Variants in KCNK3 observed in about 807,000 individuals in gnomAD.
KCNK3 encodes potassium channel subfamily K member 3.
A neutral mutation model predicts 27.3 loss-of-function variants in KCNK3; 9 were observed. The ratio of observed to expected loss-of-function variants is 0.33; its 90% CI spans 0.20 to 0.57. The LOEUF is 0.57. Ranked by LOEUF, KCNK3 falls within the 20% of genes least tolerant of loss-of-function variation. The pLI, the probability that KCNK3 is intolerant of heterozygous loss-of-function variation, is 0.87. For synonymous variants in KCNK3, 278 were observed against 273.8 expected, an observed-to-expected ratio of 1.02 and a Z score of -0.15; for missense variants, 391 against 577.7, an observed-to-expected ratio of 0.68 and a Z score of 3.31.
At position 26,692,789 on chromosome 2, in the gene KCNK3, G is replaced by A. The variant is rs1051539821; in HGVS notation, c.-87G>A. 1.3e-4 allele frequency: 96 copies of A among 755,630 alleles called. No homozygotes were observed. The highest frequency in any genetic ancestry group is 3.2e-4 in the Admixed American group (5 of 15,650). 46.8% of individuals were successfully genotyped at this position (755,630 alleles called of 1,614,324 possible). On this transcript the variant is annotated 5_prime_UTR_variant, in exon 1 of 2. Transcript: ENST00000302909. This position sits in a 1 kb window ranked among gnomAD's most constrained non-coding sequence, Gnocchi z 5.6. ...GAGCGGCGAGCGCAGCCATGCCCCA[G>A]GCCGCCTCCGGGGCAGCAGCAGCGG...
At chr2:26,704,972 T>TC (rs774805056) in intron 1 of KCNK3, among the ~76,000 whole-genome samples, 1 of 151,338 alleles carries the variant, frequency 6.6e-6, no homozygotes, top group Non-Finnish European at 1.5e-5. Flanking sequence ...TTTCTTTCTT[T>TC]CTTTTTTTTT....
At chr2:26,707,685 C>T (rs1159844528) in intron 1 of KCNK3, among the ~76,000 whole-genome samples, 8 of 152,202 alleles carry the variant, frequency 5.3e-5, no homozygotes, top group Non-Finnish European at 1.2e-4. Context: ...TGATGGTCCG[C>T]ACCTGCAGAG....
intron 1 of KCNK3, among the ~76,000 whole-genome samples, chr2:26,725,296 C>G (rs1663396127): frequency 6.6e-6 from 1 of 152,190 alleles, no homozygotes; most frequent in East Asian, 1.9e-4. Flanking sequence ...CGCCCAGTCT[C>G]TCCTGTGCTC....
rs766332777 is a variant in KCNK3 at position 26,727,623 on chromosome 2, C to A, written c.284-44C>A. Reference sequence around the variant, plus strand: ...GAGAAGAAGGTTTCTGGAAGGGCAGCCCCAAAATGTGTGCTTTTTCTCCTC... The same window carrying A: ...GAGAAGAAGGTTTCTGGAAGGGCAGACCCAAAATGTGTGCTTTTTCTCCTC... On this transcript the variant is annotated intron_variant, in intron 1 of 1. Transcript: ENST00000302909. The A allele has an allele frequency of 2.6e-6, 4 of 1,511,614 alleles. No homozygotes were observed. The South Asian group carries it at 4.0e-5, about 15-fold the overall frequency. The allele number at this position is 1,511,614 out of a possible 1,614,324, so 93.6% of individuals were successfully genotyped here.
chr2:26,698,815 G>A (rs938538020), intron 1 of KCNK3, among the ~76,000 whole-genome samples: 1 of 152,274 alleles, frequency 6.6e-6, no homozygotes, highest in Admixed American at 6.5e-5. Context: ...CTAGCAAGGG[G>A]CTGGGCGTGG....
chr2:26,702,126 G>T (rs1402267691), intron 1 of KCNK3, among the ~76,000 whole-genome samples: 4 of 152,106 alleles, frequency 2.6e-5, no homozygotes, highest in Non-Finnish European at 5.9e-5. Context: ...CCACCCTCGA[G>T]TAGGCCCCAG....
At chr2:26,696,819 A>G (rs1180501380) in intron 1 of KCNK3, among the ~76,000 whole-genome samples, 1 of 152,194 alleles carries the variant, frequency 6.6e-6, no homozygotes, top group Admixed American at 6.5e-5. Context: ...AAGGAGTCAG[A>G]GAGGTGACAG....
chr2:26,716,777 C>T (rs1364979824), intron 1 of KCNK3, among the ~76,000 whole-genome samples: 3 of 152,174 alleles, frequency 2.0e-5, no homozygotes, highest in African/African-American at 7.2e-5. Context: ...GAAGAAGAGA[C>T]ATAAGGGATC....
chr2:26,717,175 T>C (rs569997812), intron 1 of KCNK3, among the ~76,000 whole-genome samples: 1 of 152,326 alleles, frequency 6.6e-6, no homozygotes, highest in Admixed American at 6.5e-5. Context: ...CCTAGTACTT[T>C]GTAATTCCTA....
At position 26,731,013 on chromosome 2, in the gene KCNK3, T is replaced by C. The variant is rs1054195430; in HGVS notation, c.*2445T>C. On this transcript the variant is annotated 3_prime_UTR_variant, in exon 2 of 2. Coordinates refer to ENST00000302909, the MANE Select transcript of KCNK3 (RefSeq NM_002246.3). Reference sequence around the variant, plus strand: ...GCCTCTCTGCTTCCCCAATGCCTTATGCCTGGGCACACTGCCACAGAATAT... The same window carrying C: ...GCCTCTCTGCTTCCCCAATGCCTTACGCCTGGGCACACTGCCACAGAATAT... 15 of 152,376 alleles carry C rather than the reference T, an allele frequency of 9.8e-5. No individual in the cohort carries two copies. Among genetic ancestry groups the C allele is most frequent in the African/African-American group, 3.1e-4 (13 of 41,448 alleles). The allele number at this position is 152,376 out of a possible 1,614,324, so 9.4% of individuals were successfully genotyped here.
rs1278617638 is a variant in KCNK3, at chr2:26,729,540, G to C, written c.*972G>C. 1 of 152,304 alleles carries C rather than the reference G, an allele frequency of 6.6e-6. No homozygotes were observed. Among genetic ancestry groups the C allele is most frequent in the Non-Finnish European group, 1.5e-5 (1 of 68,176 alleles). The allele number at this position is 152,304 out of a possible 1,614,324, so 9.4% of individuals were successfully genotyped here. A position where few individuals can be genotyped will look rare whatever the true frequency, so the allele number is the denominator to read the frequency against. On this transcript the variant is annotated 3_prime_UTR_variant, in exon 2 of 2. Coordinates refer to ENST00000302909, the MANE Select transcript of KCNK3 (RefSeq NM_002246.3). The stretch of plus-strand genomic sequence containing the variant: ...CAGGTGAAGTGACCAGAGAGCAAAA[G>C]GCAAAGGGGTGGGGGCTGGGTGCAG...
At chr2:26,702,870 T>C (rs1670327045) in intron 1 of KCNK3, among the ~76,000 whole-genome samples, 1 of 151,984 alleles carries the variant, frequency 6.6e-6, no homozygotes, top group Non-Finnish European at 1.5e-5. Context: ...AGTCCCAGCA[T>C]TTTGGGAGTC....
chr2:26,709,453 G>A (rs951028090), intron 1 of KCNK3, among the ~76,000 whole-genome samples: 5 of 152,278 alleles, frequency 3.3e-5, no homozygotes, highest in Admixed American at 2.6e-4. Context: ...AGAGGCCAGG[G>A]GGAGTGTTTC....
intron 1 of KCNK3, among the ~76,000 whole-genome samples, chr2:26,726,809 T>C (rs1352890509): frequency 2.6e-5 from 4 of 151,972 alleles, no homozygotes; most frequent in Non-Finnish European, 4.4e-5. Flanking sequence ...ACAGAGAGAT[T>C]ATCTGGCTGA....
intron 1 of KCNK3, among the ~76,000 whole-genome samples, chr2:26,698,984 C>G (rs1218034050): frequency 6.6e-6 from 1 of 152,014 alleles, no homozygotes; most frequent in Non-Finnish European, 1.5e-5. Context: ...CAAGACCAGC[C>G]TGGTCAACAA....
chr2:26,709,236 G>A (rs1220939635), intron 1 of KCNK3, among the ~76,000 whole-genome samples: 2 of 152,222 alleles, frequency 1.3e-5, no homozygotes, highest in African/African-American at 4.8e-5. Context: ...TCTGCAGCTC[G>A]AGGGAGAAGT....
chr2:26,697,796 C>T (rs1458231651), intron 1 of KCNK3, among the ~76,000 whole-genome samples: 6 of 152,168 alleles, frequency 3.9e-5, no homozygotes, highest in Non-Finnish European at 8.8e-5. Flanking sequence ...AGCTTCCAGC[C>T]TGTGCTCAGC....
chr2:26,693,227 C>A lies in KCNK3; in HGVS notation c.283+69C>A. 3.4e-6 allele frequency: 1 copy of A among 295,496 alleles called. No homozygotes were observed. Among genetic ancestry groups the A allele is most frequent in the African/African-American group, 2.8e-5 (1 of 36,324 alleles). The allele number at this position is 295,496 out of a possible 1,614,324, so 18.3% of individuals were successfully genotyped here. On this transcript the variant is annotated intron_variant, in intron 1 of 1. Transcript: ENST00000302909. The surrounding 1 kb of genome is among the most constrained non-coding windows in gnomAD (Gnocchi z 5.5). ...CGGGGCTCCGGGAGTCGTCCGGGGC[C>A]GGCTGGGGCTGGGGGCGGGGGCTCC...
In KCNK3 at chr2:26,695,148, C is replaced by A. The variant is rs1381544587; in HGVS notation, c.283+1990C>A. Among the ~76,000 whole-genome samples the A allele has an allele frequency of 7.2e-5, 11 of 152,340 alleles. No homozygotes were observed. The East Asian group carries it at 2.1e-3, about 29-fold the overall frequency. Reference sequence around the variant, plus strand: ...TTACTTATGTGATCCCTCTCGATAGCTGCCAACCTGTCCTCTGAGAATACC... The same window carrying A: ...TTACTTATGTGATCCCTCTCGATAGATGCCAACCTGTCCTCTGAGAATACC... On this transcript the variant is annotated intron_variant, in intron 1 of 1. Transcript: ENST00000302909.
Sources: gnomAD v4.1 joint callset for allele counts (sites outside exome capture counted in the v4.1 genomes callset) on GRCh38, gnomAD v4.1.1 for gene constraint, Gnocchi (gnomAD v3.1) non-coding constraint, MANE v1.5 for transcripts, NCBI Gene and HGNC (gene_info 2026-07-23, HGNC 2026-07-21) for gene names.